The following LIPC variants were observed in gnomAD, a reference collection of about 807,000 sequenced individuals.
LIPC encodes the protein hepatic triacylglycerol lipase.
LIPC carries 44 observed loss-of-function variants against 50.7 expected under a neutral mutation model. That is an observed-to-expected ratio of 0.87 (90% CI 0.68 to 1.11). The LOEUF is 1.11. Among genes scored for constraint, LIPC ranks in the 50% most tolerant of loss-of-function variants. LIPC has a pLI of 0.00. For missense variants in LIPC, 697 were observed against 648.2 expected, an observed-to-expected ratio of 1.08 and a Z score of -0.82; for synonymous variants, 271 against 256.4, an observed-to-expected ratio of 1.06 and a Z score of -0.54.
chr15:58,438,594 G>A (rs1278951134), intron 1 of LIPC, among the ~76,000 whole-genome samples: 3 of 152,194 alleles, frequency 2.0e-5, no homozygotes, highest in Admixed American at 6.5e-5. Flanking sequence ...TGGAGGAGCC[G>A]CGGTAAGAAA....
chr15:58,495,791 TAC>T (rs1286675860), intron 1 of LIPC, among the ~76,000 whole-genome samples: 1 of 152,224 alleles, frequency 6.6e-6, no homozygotes, highest in African/African-American at 2.4e-5. Flanking sequence ...CTGTTTATTT[TAC>T]ACACAGTCAG....
intron 1 of LIPC, among the ~76,000 whole-genome samples, chr15:58,452,323 GA>G (rs1461034449): frequency 2.6e-5 from 4 of 152,186 alleles, no homozygotes; most frequent in African/African-American, 9.7e-5. Flanking sequence ...CAAAGTTTGA[GA>G]ACGTCTGCCT....
intron 1 of LIPC, among the ~76,000 whole-genome samples, chr15:58,510,071 T>G (rs1236754363): frequency 2.6e-5 from 4 of 152,260 alleles, no homozygotes; most frequent in African/African-American, 4.8e-5. Flanking sequence ...ATTGTATTGT[T>G]TTCTCCATTA....
intron 7 of LIPC, among the ~76,000 whole-genome samples, chr15:58,561,750 G>A (rs1270857672): frequency 1.3e-5 from 2 of 152,166 alleles, no homozygotes; most frequent in Admixed American, 6.5e-5. Context: ...GAGTCAGGCT[G>A]GAATTTGGTG....
chr15:58,444,018 G>A (rs1231150234), intron 1 of LIPC, among the ~76,000 whole-genome samples: 2 of 152,192 alleles, frequency 1.3e-5, no homozygotes, highest in Non-Finnish European at 2.9e-5. Flanking sequence ...CTTCTTTTGT[G>A]GATCTTCAGT....
At chr15:58,494,456 T>C (rs568181440) in intron 1 of LIPC, among the ~76,000 whole-genome samples, 2 of 152,348 alleles carry the variant, frequency 1.3e-5, no homozygotes, top group African/African-American at 4.8e-5. Flanking sequence ...TCATTTACGC[T>C]GTTTGCACTT....
At chr15:58,439,342 A>G (rs1194595630) in intron 1 of LIPC, among the ~76,000 whole-genome samples, 1 of 152,246 alleles carries the variant, frequency 6.6e-6, no homozygotes, top group Non-Finnish European at 1.5e-5. Context: ...TTAAATAATC[A>G]GAAAATAAAT....
chr15:58,441,538 G>A (rs1893509303), intron 1 of LIPC, among the ~76,000 whole-genome samples: 2 of 152,032 alleles, frequency 1.3e-5, no homozygotes, highest in Admixed American at 6.6e-5. Context: ...CACCATCCGC[G>A]GACCATGGGG....
rs966557463 is a variant in LIPC, at chr15:58,556,191, G to A, written c.1052-4673G>A. Among the ~76,000 whole-genome samples the A allele has an allele frequency of 2.0e-5, 3 of 152,192 alleles. No individual in the cohort carries two copies. The East Asian group carries it at 5.8e-4, about 29-fold the overall frequency. ...AAATGGGAGCTATTTTATCATCCTT[G>A]GTGTCTTTAATGCAGTTATATATGC... On this transcript the variant is annotated intron_variant, in intron 6 of 8. Coordinates refer to ENST00000299022, the MANE Select transcript of LIPC (RefSeq NM_000236.3).
intron 4 of LIPC, among the ~76,000 whole-genome samples, chr15:58,543,693 A>G (rs1363661798): frequency 6.6e-6 from 1 of 152,016 alleles, no homozygotes; most frequent in Non-Finnish European, 1.5e-5. Context: ...CTGGTGTGCA[A>G]TGGCATGATG....
chr15:58,514,694 C>T (rs1423964952), intron 1 of LIPC, among the ~76,000 whole-genome samples: 1 of 152,082 alleles, frequency 6.6e-6, no homozygotes, highest in Non-Finnish European at 1.5e-5. Flanking sequence ...CATGGTGGTG[C>T]ACACCTGTAA....
chr15:58,499,672 G>A (rs1050873347), intron 1 of LIPC, among the ~76,000 whole-genome samples: 19 of 152,148 alleles, frequency 1.2e-4, no homozygotes, highest in African/African-American at 4.6e-4. Flanking sequence ...TCTCCTGGGG[G>A]GATCCATTTC....
intron 1 of LIPC, among the ~76,000 whole-genome samples, chr15:58,499,388 A>G (rs1891892905): frequency 6.6e-6 from 1 of 152,216 alleles, no homozygotes; most frequent in South Asian, 2.1e-4. Context: ...TGTCTCTGTT[A>G]ACTATGTGTC....
intron 1 of LIPC, among the ~76,000 whole-genome samples, chr15:58,525,731 T>G (rs1182020369): frequency 6.6e-6 from 1 of 152,232 alleles, no homozygotes; most frequent in Non-Finnish European, 1.5e-5. Context: ...CCATCCAATC[T>G]GTTTAAATGA....
chr15:58,481,785 C>T (rs576004064), intron 1 of LIPC, among the ~76,000 whole-genome samples: 9 of 152,300 alleles, frequency 5.9e-5, no homozygotes, highest in African/African-American at 1.9e-4. Context: ...GCCAGCAGAG[C>T]GAGACTCCAT....
intron 1 of LIPC, among the ~76,000 whole-genome samples, chr15:58,455,828 C>T (rs1451672456): frequency 5.3e-5 from 8 of 151,834 alleles, no homozygotes; most frequent in Admixed American, 5.2e-4. Flanking sequence ...TGCATGTATG[C>T]GTGTATATAT....
chr15:58,471,696 G>C (rs894065052), intron 1 of LIPC, among the ~76,000 whole-genome samples: 1 of 152,158 alleles, frequency 6.6e-6, no homozygotes, highest in Non-Finnish European at 1.5e-5. Context: ...CCAAAACTCT[G>C]AATCAACCAA....
intron 6 of LIPC, among the ~76,000 whole-genome samples, chr15:58,558,992 C>T (rs1894059893): frequency 6.6e-6 from 1 of 152,120 alleles, no homozygotes; most frequent in South Asian, 2.1e-4. Context: ...TAGTTTATGC[C>T]AAGGATAGGA....
intron 4 of LIPC, among the ~76,000 whole-genome samples, chr15:58,544,109 C>G (rs11852861): frequency 6.6e-6 from 1 of 152,032 alleles, no homozygotes; most frequent in Non-Finnish European, 1.5e-5. Context: ...GGTCACAGAC[C>G]GGCGTGTGGC....
Sources: allele counts gnomAD v4.1 joint callset (sites outside exome capture counted in the v4.1 genomes callset), GRCh38; gene constraint gnomAD v4.1.1; transcripts MANE v1.5; gene names NCBI Gene and HGNC (gene_info 2026-07-23, HGNC 2026-07-21).